TTC7B: variants seen among roughly 807,000 people sequenced by gnomAD.
TTC7B encodes the protein tetratricopeptide repeat domain 7B.
TTC7B carries 28 observed loss-of-function variants against 106.8 expected under a neutral mutation model. The observed-to-expected ratio is 0.26, with a 90% CI of 0.19 to 0.36. The LOEUF is 0.36. Ranked by LOEUF, TTC7B falls within the 10% of genes least tolerant of loss-of-function variation. The pLI is 1.00. For missense variants in TTC7B, 862 were observed against 1,076.4 expected, an observed-to-expected ratio of 0.80 and a Z score of 2.79; for synonymous variants, 405 against 430.6, an observed-to-expected ratio of 0.94 and a Z score of 0.74.
rs1294567 is a variant in TTC7B at position 90,538,300 on chromosome 14, G to A, written c.*3068C>T. 97,508 of 149,084 alleles carry A rather than the reference G, an allele frequency of 0.65. 32,551 individuals are homozygous for A. The highest frequency in any genetic ancestry group is 0.75 in the South Asian group (3,571 of 4,754). 9.2% of individuals were successfully genotyped at this position (149,084 alleles called of 1,614,324 possible). A position where few individuals can be genotyped will look rare whatever the true frequency, so the allele number is the denominator to read the frequency against. On this transcript the variant is annotated 3_prime_UTR_variant, in exon 20 of 20. Transcript: ENST00000328459. Reference sequence around the variant, plus strand: ...GATGGATGGACGGACGGACGGACGGGTGGACGGATGAATGGATGGATGGAT... The same window carrying A: ...GATGGATGGACGGACGGACGGACGGATGGACGGATGAATGGATGGATGGAT...
At chr14:90,676,196 A>G (rs1361486703) in intron 9 of TTC7B, 1 of 238,184 alleles carries the variant, frequency 4.2e-6, no homozygotes, top group Non-Finnish European at 8.3e-6. Context: ...AACCTGTTCT[A>G]TGAGGAAATT....
At chr14:90,617,894 A>C (rs1186914597) in intron 16 of TTC7B, 35 bp downstream of exon 16, 2 of 1,564,604 alleles carry the variant, frequency 1.3e-6, no homozygotes, top group African/African-American at 2.7e-5. Context: ...GACCCATGCA[A>C]AAGCCACGCA....
At chr14:90,547,784 TA>T (rs151125826) in intron 19 of TTC7B, among the ~76,000 whole-genome samples, 192 of 144,738 alleles carry the variant, frequency 1.3e-3, no homozygotes, top group East Asian at 8.0e-4. Flanking sequence ...GTGACAGAGA[TA>T]AAAAAAAAAA....
chr14:90,533,212 CA>C lies in TTC7B; in HGVS notation c.*8155del, dbSNP rs1889327906. On this transcript the variant is annotated 3_prime_UTR_variant, in exon 20 of 20. Coordinates refer to ENST00000328459, the MANE Select transcript of TTC7B (RefSeq NM_001010854.2). ...GGATGGGAGCCTCCTGTGCTGTGAC[CA>C]AGTGGGACAGGGATGCATGACCCTC... 1 of 152,228 alleles carries C rather than the reference CA, an allele frequency of 6.6e-6. No homozygotes were observed. The highest frequency in any genetic ancestry group is 1.5e-5 in the Non-Finnish European group (1 of 68,098). The allele number at this position is 152,228 out of a possible 1,614,324, so 9.4% of individuals were successfully genotyped here. A position where few individuals can be genotyped will look rare whatever the true frequency, so the allele number is the denominator to read the frequency against.
Position 90,584,629 on chromosome 14 carries a change from C to T in TTC7B, c.2108-6321G>A, listed in dbSNP as rs137988873. Among the ~76,000 whole-genome samples, 10 of 152,132 alleles carry T rather than the reference C, an allele frequency of 6.6e-5. No individual in the cohort carries two copies. The East Asian group carries it at 1.2e-3, about 18-fold the overall frequency. On this transcript the variant is annotated intron_variant, in intron 18 of 19. Transcript: ENST00000328459. Reference sequence around the variant, plus strand: ...GGAGCAGTCTAGGCTGGAGGCAGCCCTCAGAACGGCCCCGAGATCTTCTAC... The same window carrying T: ...GGAGCAGTCTAGGCTGGAGGCAGCCTTCAGAACGGCCCCGAGATCTTCTAC...
intron 13 of TTC7B, among the ~76,000 whole-genome samples, chr14:90,650,808 G>C (rs1885684825): frequency 6.6e-6 from 1 of 152,142 alleles, no homozygotes; most frequent in Non-Finnish European, 1.5e-5. Context: ...TTTAGTACAG[G>C]GCAAATGAAT....
intron 19 of TTC7B, among the ~76,000 whole-genome samples, chr14:90,558,482 C>T (rs1390843290): frequency 6.6e-6 from 1 of 152,266 alleles, no homozygotes; most frequent in Non-Finnish European, 1.5e-5. Flanking sequence ...TAGTTCACTA[C>T]CTGCCACGGC....
intron 18 of TTC7B, among the ~76,000 whole-genome samples, chr14:90,592,789 C>T (rs1892018025): frequency 1.3e-5 from 2 of 151,902 alleles, no homozygotes; most frequent in Admixed American, 6.5e-5. Context: ...CAGCAGAGTG[C>T]CCTGGGAACT....
intron 6 of TTC7B, among the ~76,000 whole-genome samples, chr14:90,690,465 C>T (rs939892120): frequency 7.2e-5 from 11 of 152,180 alleles, no homozygotes; most frequent in Non-Finnish European, 1.6e-4. Context: ...ATTCCACTGC[C>T]TAAAACAGTA....
intron 13 of TTC7B, among the ~76,000 whole-genome samples, chr14:90,652,488 T>TAAAA (rs11397777): frequency 2.9e-4 from 41 of 143,530 alleles, no homozygotes; most frequent in African/African-American, 1.1e-3. Flanking sequence ...ATGTTTTTTT[T>TAAAA]AAAAAAAAAA....
chr14:90,615,833 C>T (rs1314321892), intron 16 of TTC7B, among the ~76,000 whole-genome samples: 1 of 152,182 alleles, frequency 6.6e-6, no homozygotes, highest in Non-Finnish European at 1.5e-5. Context: ...CCACTCCTCC[C>T]TCCAGGCTTT....
chr14:90,579,952 T>C (rs949286831), intron 18 of TTC7B, among the ~76,000 whole-genome samples: 1 of 152,242 alleles, frequency 6.6e-6, no homozygotes, highest in South Asian at 2.1e-4. Flanking sequence ...GCCCTGGCCA[T>C]GAGCCTGTCC....
At chr14:90,555,480 G>A (rs1026659379) in intron 19 of TTC7B, among the ~76,000 whole-genome samples, 19 of 152,208 alleles carry the variant, frequency 1.2e-4, no homozygotes, top group African/African-American at 4.6e-4. Context: ...CGTGCACGCT[G>A]AGGGGTGCAG....
At chr14:90,593,380 T>G in intron 18 of TTC7B, 106 bp downstream of exon 18, 2 of 1,431,670 alleles carry the variant, frequency 1.4e-6, no homozygotes, top group Middle Eastern at 2.4e-4. Context: ...ATGAGGGGTG[T>G]GGGCTAAACA....
chr14:90,625,269 G>C (rs372563968), intron 15 of TTC7B, among the ~76,000 whole-genome samples: 3 of 152,196 alleles, frequency 2.0e-5, no homozygotes, highest in African/African-American at 7.2e-5. Flanking sequence ...CAGAGAACTC[G>C]GCTGGGAACA....
chr14:90,774,605 C>T (rs974439448), intron 3 of TTC7B, among the ~76,000 whole-genome samples: 4 of 152,210 alleles, frequency 2.6e-5, no homozygotes, highest in African/African-American at 9.6e-5. Flanking sequence ...CTGGCTGGAG[C>T]TGGGCAGAAG....
intron 7 of TTC7B, 76 bp from the exon 8 acceptor site, chr14:90,680,611 A>C: frequency 9.6e-7 from 1 of 1,045,534 alleles, no homozygotes; most frequent in Non-Finnish European, 1.5e-6. Context: ...TGAACACTAA[A>C]AGCTTCCAGA....
intron 19 of TTC7B, chr14:90,569,644 G>A (rs1890945783): frequency 6.6e-6 from 1 of 152,216 alleles, no homozygotes; most frequent in Admixed American, 6.5e-5. Flanking sequence ...TTTCTCAGAG[G>A]GGGATCTTGT....
intron 5 of TTC7B, among the ~76,000 whole-genome samples, chr14:90,703,729 T>C (rs1236603862): frequency 6.6e-6 from 1 of 152,118 alleles, no homozygotes; most frequent in East Asian, 1.9e-4. Context: ...AACCATAACA[T>C]AGAAACTCAA....
Sources: gnomAD v4.1 joint callset for allele counts (sites outside exome capture counted in the v4.1 genomes callset) on GRCh38, gnomAD v4.1.1 for gene constraint, MANE v1.5 for transcripts, NCBI Gene and HGNC (gene_info 2026-07-23, HGNC 2026-07-21) for gene names.